The following ARHGEF12 variants were observed in gnomAD, a reference collection of about 807,000 sequenced individuals.
The protein encoded by ARHGEF12 is Rho guanine nucleotide exchange factor 12.
Under a neutral mutation model 211.2 loss-of-function variants are expected in ARHGEF12, and 66 were observed. That is an observed-to-expected ratio of 0.31 (90% confidence interval 0.26 to 0.38). The LOEUF is 0.38. ARHGEF12 is among the 10% of genes least tolerant of loss of function. ARHGEF12 has a pLI of 1.00. For missense variants in ARHGEF12, 1,429 were observed against 1,869.5 expected, an observed-to-expected ratio of 0.76 and a Z score of 4.34; for synonymous variants, 592 against 638.4, an observed-to-expected ratio of 0.93 and a Z score of 1.09.
chr11:120,383,165 G>A (rs1943926008), intron 1 of ARHGEF12, among the ~76,000 whole-genome samples: 1 of 151,984 alleles, frequency 6.6e-6, no homozygotes, highest in Admixed American at 6.6e-5. Flanking sequence ...CAGTGTCTTT[G>A]GGGGAGAGCC....
chr11:120,476,579 A>C (rs1412661961), intron 33 of ARHGEF12, 82 bp from the exon 34 acceptor site: 5 of 873,288 alleles, frequency 5.7e-6, no homozygotes, highest in Non-Finnish European at 8.7e-6. Context: ...TTTAAGGGGC[A>C]GACTATTTCA....
chr11:120,415,061 T>TA (rs1944989748), intron 4 of ARHGEF12, among the ~76,000 whole-genome samples: 1 of 152,176 alleles, frequency 6.6e-6, no homozygotes, highest in African/African-American at 2.4e-5. Flanking sequence ...GTATGGAAGT[T>TA]ATGATTAATA....
At chr11:120,414,354 T>C (rs1269690097) in intron 4 of ARHGEF12, among the ~76,000 whole-genome samples, 1 of 152,202 alleles carries the variant, frequency 6.6e-6, no homozygotes, top group East Asian at 1.9e-4. Flanking sequence ...TTAGCGTTCT[T>C]ATAGAAATGT....
At chr11:120,350,660 T>G (rs1942907909) in intron 1 of ARHGEF12, among the ~76,000 whole-genome samples, 2 of 152,254 alleles carry the variant, frequency 1.3e-5, no homozygotes, top group South Asian at 4.1e-4. Flanking sequence ...CTTTTTATTT[T>G]ATTTTTCAGT....
chr11:120,478,497 T>C (rs1471566343), intron 37 of ARHGEF12, 108 bp downstream of exon 37: 7 of 1,071,970 alleles, frequency 6.5e-6, no homozygotes, highest in Non-Finnish European at 9.5e-6. Context: ...CTAGTTCTAT[T>C]GTGGAGATTA....
chr11:120,468,870 A>G (rs986592751), intron 29 of ARHGEF12, among the ~76,000 whole-genome samples: 3 of 152,250 alleles, frequency 2.0e-5, no homozygotes, highest in African/African-American at 7.2e-5. Context: ...GTTATTAAAA[A>G]ATTTTGTTTA....
chr11:120,486,467 A>G lies in ARHGEF12; in HGVS notation c.*1390A>G, dbSNP rs1039242859. 4.3e-6 allele frequency: 1 copy of G among 231,174 alleles called. No homozygotes were observed. The highest frequency in any genetic ancestry group is 5.6e-5 in the Admixed American group (1 of 17,720). The allele number at this position is 231,174 out of a possible 1,614,324, so 14.3% of individuals were successfully genotyped here. A position where few individuals can be genotyped will look rare whatever the true frequency, so the allele number is the denominator to read the frequency against. ...CTGCTCTAGGATGAATAGTAGCGTT[A>G]GCAGCACCCTACAGAGGGTAAGTTT... On this transcript the variant is annotated 3_prime_UTR_variant, in exon 41 of 41. Transcript: ENST00000397843.
intron 1 of ARHGEF12, among the ~76,000 whole-genome samples, chr11:120,351,431 ATATATATATATATATATATATATATTTT>A (rs1412215028): frequency 3.2e-3 from 10 of 3,156 alleles, no homozygotes; most frequent in Non-Finnish European, 5.1e-3. Context: ...ATATATATAT[ATATATATATATATATATATATATATTTT>A]TTTTTTTTTT....
intron 1 of ARHGEF12, among the ~76,000 whole-genome samples, chr11:120,401,731 T>C (rs186568567): frequency 1.3e-5 from 2 of 152,352 alleles, no homozygotes; most frequent in East Asian, 3.9e-4. Context: ...ACCTGATCTT[T>C]TTTCTTACAG....
At chr11:120,368,962 A>C (rs925308129) in intron 1 of ARHGEF12, among the ~76,000 whole-genome samples, 1 of 152,008 alleles carries the variant, frequency 6.6e-6, no homozygotes, top group Non-Finnish European at 1.5e-5. Context: ...TCTAGCCTGT[A>C]AATTATTTTT....
chr11:120,374,103 G>A (rs796653917), intron 1 of ARHGEF12, among the ~76,000 whole-genome samples: 13 of 152,106 alleles, frequency 8.5e-5, no homozygotes, highest in African/African-American at 3.1e-4. Context: ...CACCGCACCC[G>A]GCCAAAAAAT....
chr11:120,469,048 C>T (rs1013288663), intron 29 of ARHGEF12, among the ~76,000 whole-genome samples: 3 of 152,072 alleles, frequency 2.0e-5, no homozygotes, highest in African/African-American at 7.2e-5. Context: ...ATTTCGGGTT[C>T]TGTACTGTGA....
At chr11:120,434,516 A>G (rs977789990) in intron 11 of ARHGEF12, among the ~76,000 whole-genome samples, 3 of 152,190 alleles carry the variant, frequency 2.0e-5, no homozygotes, top group Admixed American at 6.5e-5. Flanking sequence ...AATTTTAAGT[A>G]TGGAGGACCC....
At chr11:120,404,418 A>G (rs1944632013) in intron 1 of ARHGEF12, among the ~76,000 whole-genome samples, 1 of 152,242 alleles carries the variant, frequency 6.6e-6, no homozygotes, top group Non-Finnish European at 1.5e-5. Context: ...TTTAAAGTAG[A>G]ATTCAATGAT....
intron 6 of ARHGEF12, 117 bp from the exon 7 acceptor site, chr11:120,424,241 A>G: frequency 1.7e-6 from 1 of 596,464 alleles, no homozygotes. Context: ...TAAATATTTT[A>G]ATGTAATGTG....
At chr11:120,382,919 C>G (rs1332472482) in intron 1 of ARHGEF12, among the ~76,000 whole-genome samples, 2 of 152,160 alleles carry the variant, frequency 1.3e-5, no homozygotes, top group Non-Finnish European at 2.9e-5. Context: ...GTGGGCAGAT[C>G]ACGAGGTCAG....
chr11:120,400,219 A>AT (rs1944517036), intron 1 of ARHGEF12, among the ~76,000 whole-genome samples: 1 of 152,002 alleles, frequency 6.6e-6, no homozygotes, highest in Non-Finnish European at 1.5e-5. Flanking sequence ...TTCTACTCTT[A>AT]TTTTTATTAT....
chr11:120,442,067 C>T (rs752127497), intron 14 of ARHGEF12, 37 bp from the exon 15 acceptor site: 6 of 1,441,232 alleles, frequency 4.2e-6, no homozygotes. Flanking sequence ...TTTCATGGTT[C>T]CTCATTTTGT....
intron 1 of ARHGEF12, among the ~76,000 whole-genome samples, chr11:120,384,040 T>C (rs1386894192): frequency 6.6e-6 from 1 of 152,122 alleles, no homozygotes; most frequent in African/African-American, 2.4e-5. Flanking sequence ...CTTGGGCTGG[T>C]CAGAAAGTGC....
Sources: allele counts gnomAD v4.1 joint callset (sites outside exome capture counted in the v4.1 genomes callset), GRCh38; gene constraint gnomAD v4.1.1; transcripts MANE v1.5; gene names NCBI Gene and HGNC (gene_info 2026-07-23, HGNC 2026-07-21).